The following MTUS2 variants were observed in gnomAD, a reference collection of about 807,000 sequenced individuals.
The protein encoded by MTUS2 is microtubule-associated tumor suppressor candidate 2.
In MTUS2, 40 loss-of-function variants were observed where a neutral mutation model predicts 114.1. The observed-to-expected ratio is 0.35, with a 90% CI of 0.27 to 0.46. The LOEUF is 0.46. MTUS2 is among the 20% of genes least tolerant of loss of function. The pLI, the probability that MTUS2 is intolerant of heterozygous loss-of-function variation, is 1.00. For synonymous variants in MTUS2, 688 were observed against 672.0 expected, an observed-to-expected ratio of 1.02 and a Z score of -0.37; for missense variants, 1,679 against 1,705.4, an observed-to-expected ratio of 0.98 and a Z score of 0.27.
intron 2 of MTUS2, among the ~76,000 whole-genome samples, chr13:28,974,597 A>G (rs1884004681): frequency 1.3e-5 from 2 of 152,224 alleles, no homozygotes; most frequent in African/African-American, 4.8e-5. Context: ...ACTTAATACA[A>G]GGCTTGTTAT....
intron 3 of MTUS2, among the ~76,000 whole-genome samples, chr13:29,033,481 C>T (rs1202991121): frequency 6.6e-6 from 1 of 152,082 alleles, no homozygotes; most frequent in Admixed American, 6.6e-5. Context: ...GGTTATCATA[C>T]AACTTACAGC....
chr13:29,049,367 G>T (rs71433300), intron 4 of MTUS2, among the ~76,000 whole-genome samples: 2 of 152,200 alleles, frequency 1.3e-5, no homozygotes, highest in African/African-American at 2.4e-5. Flanking sequence ...GTAGAGCTTA[G>T]GGAGGCTGAA....
rs576374624 is a variant in MTUS2, at chr13:29,480,212, G to A, written c.3247G>A (p.Glu1083Lys). 5 of 1,555,356 alleles carry A rather than the reference G, an allele frequency of 3.2e-6. No individual in the cohort carries two copies. Among genetic ancestry groups the A allele is most frequent in the Middle Eastern group, 1.7e-4 (1 of 5,910 alleles). ...GAAGGAGGAGCTGGAGAGGCGGTTC[G>A]AGGACGAGGTGAAGAGGCTGGGCTG... ...KEKEELERRF[E>K]DEVKRLGWQQ... Residue 1083 changes from glutamate to lysine, a missense_variant, in exon 10 of 16, where the codon GAG becomes AAG. Physicochemically the swap from Glu to Lys is moderately conservative, Grantham distance 56. Transcript: ENST00000612955. The surrounding 1 kb of genome is among the most constrained non-coding windows in gnomAD (Gnocchi z 4.4).
intron 2 of MTUS2, among the ~76,000 whole-genome samples, chr13:29,008,409 C>G (rs1885693860): frequency 2.0e-5 from 3 of 152,222 alleles, no homozygotes; most frequent in African/African-American, 2.4e-5. Flanking sequence ...CCACCGCCTT[C>G]TGTCTTTCTG....
At chr13:29,192,837 G>A (rs533708166) in intron 5 of MTUS2, among the ~76,000 whole-genome samples, 2 of 152,214 alleles carry the variant, frequency 1.3e-5, no homozygotes, top group African/African-American at 4.8e-5. Flanking sequence ...GCCACGATCA[G>A]GTTGCCTGCG....
intron 4 of MTUS2, among the ~76,000 whole-genome samples, chr13:29,082,295 A>C (rs538160865): frequency 6.6e-6 from 1 of 152,210 alleles, no homozygotes; most frequent in Non-Finnish European, 1.5e-5. Flanking sequence ...TAAGCCACCC[A>C]GTCTGTGGCA....
chr13:29,491,340 G>T (rs1017035653), intron 11 of MTUS2, among the ~76,000 whole-genome samples: 9 of 150,800 alleles, frequency 6.0e-5, no homozygotes, highest in African/African-American at 1.5e-4. Flanking sequence ...AGTGTGTGTG[G>T]GTGTGTTATG....
intron 2 of MTUS2, among the ~76,000 whole-genome samples, chr13:28,905,692 C>T (rs1879955939): frequency 1.3e-5 from 2 of 151,586 alleles, no homozygotes; most frequent in Non-Finnish European, 2.9e-5. Flanking sequence ...CAATGTTCAT[C>T]AAGGATATTG....
intron 15 of MTUS2, among the ~76,000 whole-genome samples, chr13:29,501,845 C>CTGCA (rs10626898): frequency 0.96 from 145,767 of 152,144 alleles, 69,895 homozygotes; most frequent in Non-Finnish European, 0.98. Context: ...CACACAGGCA[C>CTGCA]TGCTCACTCA....
At chr13:29,102,172 G>A (rs1335613192) in intron 5 of MTUS2, among the ~76,000 whole-genome samples, 2 of 152,180 alleles carry the variant, frequency 1.3e-5, no homozygotes, top group Non-Finnish European at 2.9e-5. Context: ...TTGCAAATGT[G>A]TAATTCATGT....
Position 28,863,572 on chromosome 13 carries a change from G to C in MTUS2, c.-243+23722G>C, listed in dbSNP as rs1418207446. On this transcript the variant is annotated intron_variant, in intron 2 of 15. Coordinates refer to ENST00000612955, the MANE Select transcript of MTUS2 (RefSeq NM_001033602.4). ...TGTCTTCCTAGGTTTGCCTGGAGGA[G>C]GCTTACCAGTGAGGAAAAAACACAT... Among the ~76,000 whole-genome samples the C allele has an allele frequency of 2.6e-5, 4 of 152,150 alleles. No homozygotes were observed. The East Asian group carries it at 7.7e-4, about 29-fold the overall frequency.
chr13:29,399,110 A>T (rs992293499), intron 8 of MTUS2, among the ~76,000 whole-genome samples: 26 of 152,170 alleles, frequency 1.7e-4, no homozygotes, highest in Admixed American at 9.2e-4. Context: ...TTTCTTGATG[A>T]TATGCTAAAC....
chr13:29,503,367 T>A lies in MTUS2; in HGVS notation c.*161T>A, dbSNP rs377754982. The A allele has an allele frequency of 1.1e-5, 8 of 713,574 alleles. No homozygotes were observed. In the East Asian group the frequency reaches 1.9e-4, roughly 17 times the overall value. 44.2% of individuals were successfully genotyped at this position (713,574 alleles called of 1,614,324 possible). A position where few individuals can be genotyped will look rare whatever the true frequency, so the allele number is the denominator to read the frequency against. On this transcript the variant is annotated 3_prime_UTR_variant, in exon 16 of 16. Transcript: ENST00000612955. The stretch of plus-strand genomic sequence containing the variant: ...CTCTGATCCCCGTGTAAGACTGCCC[T>A]GGTGTCGGCACTTAGGAATGTGTAA...
chr13:29,156,541 T>A (rs1435875311), intron 5 of MTUS2, among the ~76,000 whole-genome samples: 1 of 152,074 alleles, frequency 6.6e-6, no homozygotes, highest in African/African-American at 2.4e-5. Flanking sequence ...GGAGTCTGGG[T>A]CTGAATCCTG....
At chr13:29,363,493 T>G (rs1168031249) in intron 8 of MTUS2, among the ~76,000 whole-genome samples, 1 of 152,192 alleles carries the variant, frequency 6.6e-6, no homozygotes, top group Non-Finnish European at 1.5e-5. Context: ...TTCACCAACC[T>G]CCTTCTTCTC....
At chr13:29,292,337 A>G (rs1898751664) in intron 6 of MTUS2, among the ~76,000 whole-genome samples, 1 of 152,210 alleles carries the variant, frequency 6.6e-6, no homozygotes, top group Non-Finnish European at 1.5e-5. Flanking sequence ...CCCTGGAAGT[A>G]CTTGGGCTGT....
At chr13:29,104,537 G>T (rs1890573104) in intron 5 of MTUS2, among the ~76,000 whole-genome samples, 1 of 152,216 alleles carries the variant, frequency 6.6e-6, no homozygotes, top group African/African-American at 2.4e-5. Flanking sequence ...TTACGCAGAA[G>T]CCACCTCTGA....
At chr13:28,875,288 C>T (rs1386420721) in intron 2 of MTUS2, among the ~76,000 whole-genome samples, 3 of 151,784 alleles carry the variant, frequency 2.0e-5, no homozygotes, top group Non-Finnish European at 4.4e-5. Context: ...AACCTCCAAA[C>T]TTAGATAAAG....
chr13:29,271,596 T>A (rs926977250), intron 5 of MTUS2, among the ~76,000 whole-genome samples: 1 of 152,326 alleles, frequency 6.6e-6, no homozygotes, highest in East Asian at 1.9e-4. Context: ...TTCTTCCTGT[T>A]TATTGGAGTT....
Sources: allele counts gnomAD v4.1 joint callset (sites outside exome capture counted in the v4.1 genomes callset), GRCh38; gene constraint gnomAD v4.1.1; non-coding constraint Gnocchi (gnomAD v3.1); transcripts MANE v1.5; gene names NCBI Gene and HGNC (gene_info 2026-07-23, HGNC 2026-07-21).